The following ROBO2 variants were observed in gnomAD, a reference collection of about 807,000 sequenced individuals.
ROBO2 encodes the protein roundabout homolog 2.
Under a neutral mutation model 160.8 loss-of-function variants are expected in ROBO2, and 53 were observed. That is an observed-to-expected ratio of 0.33 (90% CI 0.26 to 0.41). The LOEUF is 0.41. Ranked by LOEUF, ROBO2 falls within the 10% of genes least tolerant of loss-of-function variation. The pLI is 1.00. For synonymous variants in ROBO2, 664 were observed against 611.7 expected, an observed-to-expected ratio of 1.09 and a Z score of -1.26; for missense variants, 1,577 against 1,722.4, an observed-to-expected ratio of 0.92 and a Z score of 1.49.
intron 2 of ROBO2, among the ~76,000 whole-genome samples, chr3:76,039,326 G>C (rs1193586845): frequency 6.6e-6 from 1 of 151,796 alleles, no homozygotes; most frequent in Non-Finnish European, 1.5e-5. Flanking sequence ...AAATAAACAT[G>C]GTCTATTTTT....
intron 17 of ROBO2, among the ~76,000 whole-genome samples, chr3:77,590,085 G>A (rs2094144820): frequency 6.6e-6 from 1 of 152,036 alleles, no homozygotes; most frequent in African/African-American, 2.4e-5. Context: ...TGGTTGCCTT[G>A]TTTGTTATTT....
chr3:76,927,448 GA>G (rs1464841253), intron 2 of ROBO2, among the ~76,000 whole-genome samples: 2 of 152,066 alleles, frequency 1.3e-5, no homozygotes, highest in Non-Finnish European at 2.9e-5. Flanking sequence ...CATAGCAGTG[GA>G]AAACCTTATA....
intron 22 of ROBO2, among the ~76,000 whole-genome samples, chr3:77,618,895 A>T (rs2094840172): frequency 6.6e-6 from 1 of 152,230 alleles, no homozygotes; most frequent in Non-Finnish European, 1.5e-5. Context: ...ATCACTATGT[A>T]AGTTGAAGCC....
chr3:76,256,747 C>A (rs982759214), intron 2 of ROBO2, among the ~76,000 whole-genome samples: 2 of 151,780 alleles, frequency 1.3e-5, no homozygotes, highest in Non-Finnish European at 2.9e-5. Context: ...AAAGAAACAC[C>A]CGAGACTGGG....
chr3:76,233,259 C>T (rs1277832114), intron 2 of ROBO2, among the ~76,000 whole-genome samples: 2 of 152,088 alleles, frequency 1.3e-5, no homozygotes, highest in Non-Finnish European at 2.9e-5. Flanking sequence ...ATTCTCCTGC[C>T]TCACCTCCCA....
intron 2 of ROBO2, among the ~76,000 whole-genome samples, chr3:76,867,137 C>T (rs1025608755): frequency 6.6e-6 from 1 of 152,144 alleles, no homozygotes; most frequent in Non-Finnish European, 1.5e-5. Context: ...AGTATTAACA[C>T]TAGCCTAGAT....
At chr3:75,922,390 G>T (rs1947097003) in intron 1 of ROBO2, among the ~76,000 whole-genome samples, 1 of 151,984 alleles carries the variant, frequency 6.6e-6, no homozygotes, top group African/African-American at 2.4e-5. Flanking sequence ...AAATATTTAT[G>T]GATTGGAATT....
At chr3:76,068,313 T>C (rs958604473) in intron 2 of ROBO2, among the ~76,000 whole-genome samples, 106 of 152,282 alleles carry the variant, frequency 7.0e-4, no homozygotes, top group African/African-American at 2.5e-3. Context: ...CATAGTTCCT[T>C]GTAGGCCTCT....
At chr3:76,529,014 G>A (rs1343204803) in intron 2 of ROBO2, among the ~76,000 whole-genome samples, 1 of 152,102 alleles carries the variant, frequency 6.6e-6, no homozygotes, top group East Asian at 1.9e-4. Flanking sequence ...ACCTTGATAA[G>A]AGCAGTTTTT....
At chr3:75,999,555 T>G (rs964613221) in intron 2 of ROBO2, among the ~76,000 whole-genome samples, 2 of 152,164 alleles carry the variant, frequency 1.3e-5, no homozygotes, top group Non-Finnish European at 2.9e-5. Context: ...ATATTTCAAC[T>G]GGAAAGCATT....
chr3:76,304,164 T>C (rs2071210355), intron 2 of ROBO2, among the ~76,000 whole-genome samples: 1 of 152,190 alleles, frequency 6.6e-6, no homozygotes, highest in Non-Finnish European at 1.5e-5. Flanking sequence ...AAAACTGATA[T>C]ATATTATATG....
intron 2 of ROBO2, among the ~76,000 whole-genome samples, chr3:76,915,534 G>C (rs1471899398): frequency 1.3e-5 from 2 of 151,836 alleles, no homozygotes; most frequent in Non-Finnish European, 2.9e-5. Context: ...GCTGGGTGTG[G>C]TGGTGAGTGC....
At position 77,237,183 on chromosome 3, in the gene ROBO2, CTT is replaced by C. The variant is rs34992972; in HGVS notation, c.388+138860_388+138861del. On this transcript the variant is annotated intron_variant, in intron 2 of 25. Coordinates refer to ENST00000461745, the Ensembl canonical transcript of ROBO2. ...CATCATGCCTGGCCACTTGACCTTTCTTTTTTTTTTTTTTTTTTCATTTTTCT... is the reference window on the plus strand; with the variant it reads ...CATCATGCCTGGCCACTTGACCTTTCTTTTTTTTTTTTTTTTCATTTTTCT... Among the ~76,000 whole-genome samples, 75 of 107,110 alleles carry C rather than the reference CTT, an allele frequency of 7.0e-4. No homozygotes were observed. In the South Asian group the frequency reaches 0.02, roughly 28 times the overall value. The allele number at this position is 107,110 out of a possible 152,430, so 70.3% of individuals were successfully genotyped here.
At chr3:77,521,435 G>A (rs753236662) in intron 5 of ROBO2, among the ~76,000 whole-genome samples, 3 of 151,246 alleles carry the variant, frequency 2.0e-5, no homozygotes, top group Non-Finnish European at 4.4e-5. Flanking sequence ...AATTATTGCT[G>A]TAGCAATAAG....
intron 2 of ROBO2, among the ~76,000 whole-genome samples, chr3:77,363,849 C>T (rs144202548): frequency 7.9e-5 from 12 of 151,938 alleles, no homozygotes; most frequent in East Asian, 7.8e-4. Flanking sequence ...TTGGAGAAGA[C>T]GAATTTTATT....
At chr3:77,016,786 C>G (rs958538702) in intron 2 of ROBO2, among the ~76,000 whole-genome samples, 9 of 152,276 alleles carry the variant, frequency 5.9e-5, no homozygotes, top group African/African-American at 2.2e-4. Context: ...AATCTCAAGC[C>G]TTTTCTCTTG....
At chr3:76,899,140 G>T (rs1046660871) in intron 2 of ROBO2, among the ~76,000 whole-genome samples, 8 of 151,994 alleles carry the variant, frequency 5.3e-5, no homozygotes, top group Non-Finnish European at 1.0e-4. Context: ...ATCTCGTATA[G>T]AACTATAAAT....
intron 2 of ROBO2, among the ~76,000 whole-genome samples, chr3:76,561,047 T>A (rs73129165): frequency 0.056 from 8,438 of 150,180 alleles, 374 homozygotes; most frequent in Non-Finnish European, 0.08. Flanking sequence ...GCTCTCTCTA[T>A]ATATAGACAC....
chr3:76,993,368 A>G (rs1291401563), intron 2 of ROBO2, among the ~76,000 whole-genome samples: 3 of 152,250 alleles, frequency 2.0e-5, no homozygotes, highest in Admixed American at 6.5e-5. Flanking sequence ...AATGTATCTT[A>G]GAGGAAATGA....
Sources: allele counts gnomAD v4.1 joint callset (sites outside exome capture counted in the v4.1 genomes callset), GRCh38; gene constraint gnomAD v4.1.1; transcripts MANE v1.5; gene names NCBI Gene and HGNC (gene_info 2026-07-23, HGNC 2026-07-21).